Variants in RTTN observed in about 807,000 individuals in gnomAD.
RTTN encodes rotatin.
A neutral mutation model predicts 269.2 loss-of-function variants in RTTN; 182 were observed. That is an observed-to-expected ratio of 0.68 (90% CI 0.60 to 0.76). The LOEUF (loss-of-function observed/expected upper bound fraction) is 0.76, where lower values mean the gene tolerates loss of function less well. Among genes scored for constraint, RTTN ranks in the 30% least tolerant of loss-of-function variants. RTTN has a pLI of 0.00. For synonymous variants in RTTN, 1,006 were observed against 963.5 expected, an observed-to-expected ratio of 1.04 and a Z score of -0.82; for missense variants, 2,545 against 2,608.6, an observed-to-expected ratio of 0.98 and a Z score of 0.53.
chr18:70,082,425 A>G (rs1360486843), intron 32 of RTTN, among the ~76,000 whole-genome samples: 3 of 152,186 alleles, frequency 2.0e-5, no homozygotes, highest in African/African-American at 7.2e-5. Context: ...AACTGAGAAA[A>G]TTACATCAAT....
At chr18:70,035,622 G>A (rs1247155390) in intron 40 of RTTN, among the ~76,000 whole-genome samples, 3 of 152,124 alleles carry the variant, frequency 2.0e-5, no homozygotes, top group Non-Finnish European at 2.9e-5. Context: ...GACAACCTAG[G>A]CAATACCATT....
chr18:70,017,483 G>T lies in RTTN; in HGVS notation c.6345C>A (p.Ser2115Arg). ...AGATAAGAAGAGGCAATAAAGGGCT[G>T]CTCTTGTGCTTGTATTTGCTCATCT... ...LTEMSKYKHK[S>R]SPLLPLLIFH... The change falls in exon 46 of 49, where the codon AGC (serine) becomes AGA (arginine). Residue 2115 changes from serine (S) to arginine (R), a missense_variant. Transcript: ENST00000640769. 6.2e-7 allele frequency: 1 copy of T among 1,613,974 alleles called. No individual in the cohort carries two copies. Among genetic ancestry groups the T allele is most frequent in the Non-Finnish European group, 8.5e-7 (1 of 1,179,898 alleles).
chr18:70,063,439 G>A (rs1352759287), intron 35 of RTTN, among the ~76,000 whole-genome samples: 1 of 151,864 alleles, frequency 6.6e-6, no homozygotes, highest in Non-Finnish European at 1.5e-5. Context: ...CAAATATTAC[G>A]CCTGTAATCC....
At chr18:70,143,720 C>A (rs1295163283) in intron 18 of RTTN, among the ~76,000 whole-genome samples, 1 of 151,926 alleles carries the variant, frequency 6.6e-6, no homozygotes, top group Admixed American at 6.6e-5. Context: ...ATATAACAAA[C>A]CCGCACAGGT....
At chr18:70,113,550 A>C (rs952871089) in intron 27 of RTTN, among the ~76,000 whole-genome samples, 1 of 152,156 alleles carries the variant, frequency 6.6e-6, no homozygotes. Flanking sequence ...CTAATTATAT[A>C]CTCAAGAGAA....
At chr18:70,104,430 C>G (rs1014480160) in intron 28 of RTTN, among the ~76,000 whole-genome samples, 1 of 152,130 alleles carries the variant, frequency 6.6e-6, no homozygotes, top group African/African-American at 2.4e-5. Context: ...GTGATGGGTT[C>G]GAACATCCTC....
chr18:70,049,520 T>G (rs908824806), intron 39 of RTTN, among the ~76,000 whole-genome samples: 1 of 152,188 alleles, frequency 6.6e-6, no homozygotes, highest in Non-Finnish European at 1.5e-5. Flanking sequence ...GCCATAATTC[T>G]TACTATCGCT....
chr18:70,006,298 C>G, intron 47 of RTTN, 83 bp downstream of exon 47: 1 of 934,030 alleles, frequency 1.1e-6, no homozygotes, highest in Non-Finnish European at 1.7e-6. Context: ...CTCTTGACAC[C>G]TTTGGATGTA....
At chr18:70,116,279 C>A (rs2059601439) in intron 26 of RTTN, among the ~76,000 whole-genome samples, 1 of 151,910 alleles carries the variant, frequency 6.6e-6, no homozygotes, top group African/African-American at 2.4e-5. Flanking sequence ...ATTATTAATT[C>A]TGATATGCTG....
chr18:70,107,800 C>A (rs1193607927), intron 28 of RTTN, among the ~76,000 whole-genome samples: 2 of 152,114 alleles, frequency 1.3e-5, no homozygotes, highest in African/African-American at 4.8e-5. Context: ...TTAATGTCTG[C>A]AATGAAAGGG....
chr18:70,029,578 A>C (rs771276976), intron 42 of RTTN, among the ~76,000 whole-genome samples: 14 of 152,144 alleles, frequency 9.2e-5, no homozygotes, highest in Admixed American at 6.5e-5. Context: ...CAGTTGTGTG[A>C]CTATGCTGTA....
intron 39 of RTTN, among the ~76,000 whole-genome samples, chr18:70,050,729 A>G (rs1405876954): frequency 2.0e-5 from 3 of 152,246 alleles, no homozygotes; most frequent in Admixed American, 2.0e-4. Context: ...ACACCATGGA[A>G]CATTATGCAG....
intron 28 of RTTN, among the ~76,000 whole-genome samples, chr18:70,096,777 G>C (rs561418534): frequency 5.9e-5 from 9 of 152,302 alleles, no homozygotes; most frequent in Non-Finnish European, 1.0e-4. Context: ...CGGGGTTCAG[G>C]GACCAACTTA....
intron 45 of RTTN, among the ~76,000 whole-genome samples, 191 bp downstream of exon 45, chr18:70,020,424 C>CAGGA (rs2056668566): frequency 6.6e-6 from 1 of 152,212 alleles, no homozygotes; most frequent in Admixed American, 6.5e-5. Flanking sequence ...TCTACTCTAG[C>CAGGA]TCCTGTCCTT....
At chr18:70,044,594 G>A (rs2057439903) in intron 40 of RTTN, among the ~76,000 whole-genome samples, 1 of 152,028 alleles carries the variant, frequency 6.6e-6, no homozygotes, top group African/African-American at 2.4e-5. Context: ...TATAAATTAG[G>A]CAGGTAGGAG....
rs1480235658 is a variant in RTTN at position 70,167,037 on chromosome 18, A to G, written c.1690-6T>C. On this transcript the variant is annotated splice_region_variant and splice_polypyrimidine_tract_variant and intron_variant, in intron 12 of 48. Transcript: ENST00000640769. The stretch of plus-strand genomic sequence containing the variant: ...TCTAAGAGATTCTTCTCTCCCTACA[A>G]AAGAAGCAGAATGGAACAATAAATG... The G allele has an allele frequency of 3.2e-6, 5 of 1,569,604 alleles. No homozygotes were observed. Among genetic ancestry groups the G allele is most frequent in the Non-Finnish European group, 4.4e-6 (5 of 1,140,570 alleles).
intron 14 of RTTN, among the ~76,000 whole-genome samples, chr18:70,153,106 T>A (rs902050528): frequency 3.9e-5 from 6 of 152,058 alleles, no homozygotes; most frequent in Non-Finnish European, 8.8e-5. Context: ...TCTCCCTCCC[T>A]CCCTAGCCAG....
chr18:70,043,891 G>T (rs971623193), intron 40 of RTTN, among the ~76,000 whole-genome samples: 1 of 152,210 alleles, frequency 6.6e-6, no homozygotes, highest in Non-Finnish European at 1.5e-5. Context: ...AAGTGGACAC[G>T]ACTGGAAGTG....
intron 28 of RTTN, among the ~76,000 whole-genome samples, chr18:70,105,817 C>T (rs553510302): frequency 6.6e-6 from 1 of 151,966 alleles, no homozygotes; most frequent in Non-Finnish European, 1.5e-5. Context: ...AAAAATACAA[C>T]AATAAAACAT....
Sources: gnomAD v4.1 joint callset for allele counts (sites outside exome capture counted in the v4.1 genomes callset) on GRCh38, gnomAD v4.1.1 for gene constraint, MANE v1.5 for transcripts, NCBI Gene and HGNC (gene_info 2026-07-23, HGNC 2026-07-21) for gene names.